Variants in IDE observed in about 807,000 individuals in gnomAD.
IDE encodes the protein insulin degrading enzyme.
Under a neutral mutation model 133.2 loss-of-function variants are expected in IDE, and 58 were observed. The observed-to-expected ratio is 0.44, with a 90% CI of 0.35 to 0.54. The LOEUF is 0.54. IDE is among the 20% of genes least tolerant of loss of function. The probability of loss-of-function intolerance (pLI) is 0.00; values close to 1 mark genes in which losing one functional copy is unlikely to be tolerated. For synonymous variants in IDE, 396 were observed against 421.3 expected (o/e 0.94, Z 0.73); for missense variants, 981 against 1,234.0 (o/e 0.79, Z 3.07).
intron 4 of IDE, among the ~76,000 whole-genome samples, chr10:92,521,537 T>C (rs1398789219): frequency 2.0e-5 from 3 of 151,858 alleles, no homozygotes; most frequent in Non-Finnish European, 4.4e-5. Context: ...AAAAGAGACT[T>C]AAAAGACATA....
rs143800795 is a variant in IDE, at chr10:92,556,615, G to A, written c.98+17307C>T. 5.1e-3 allele frequency among the ~76,000 whole-genome samples: 772 copies of A among 152,194 alleles called. 5 individuals carry two copies. Among genetic ancestry groups the A allele is most frequent in the African/African-American group, 0.014 (564 of 41,536 alleles). The stretch of plus-strand genomic sequence containing the variant: ...TCTACTAAAACTACAAAAATTAGCC[G>A]GGCGTGGTGGTGGGTACCTGTAATC... On this transcript the variant is annotated intron_variant, in intron 1 of 24. Transcript: ENST00000265986.
intron 5 of IDE, among the ~76,000 whole-genome samples, chr10:92,510,908 T>C (rs1848590481): frequency 1.3e-5 from 2 of 150,974 alleles, no homozygotes; most frequent in Admixed American, 1.3e-4. Flanking sequence ...TATATGATAT[T>C]AGCAAAATTC....
At chr10:92,465,929 G>T in intron 19 of IDE, 86 bp from the exon 20 acceptor site, 1 of 1,121,436 alleles carries the variant, frequency 8.9e-7, no homozygotes, top group Non-Finnish European at 1.3e-6. Context: ...CACACTTACA[G>T]ATGATAATTT....
chr10:92,483,205 CG>C, intron 14 of IDE, 49 bp downstream of exon 14: 2 of 918,976 alleles, frequency 2.2e-6, no homozygotes, highest in Non-Finnish European at 3.5e-6. Flanking sequence ...CTCCTGGAAA[CG>C]TAATTGTTGA....
intron 1 of IDE, among the ~76,000 whole-genome samples, chr10:92,563,335 C>G (rs1284808949): frequency 6.6e-6 from 1 of 151,796 alleles, no homozygotes; most frequent in Non-Finnish European, 1.5e-5. Flanking sequence ...GCCTGTAGTT[C>G]CAGCTCCTTA....
chr10:92,491,161 C>T (rs1847317354), intron 11 of IDE, among the ~76,000 whole-genome samples: 1 of 151,726 alleles, frequency 6.6e-6, no homozygotes, highest in African/African-American at 2.4e-5. Flanking sequence ...TTGCTTGAGC[C>T]CAGGAGTTTG....
At chr10:92,541,787 T>G (rs1842318887) in intron 1 of IDE, among the ~76,000 whole-genome samples, 1 of 152,166 alleles carries the variant, frequency 6.6e-6, no homozygotes, top group South Asian at 2.1e-4. Flanking sequence ...GTTCAGGGAC[T>G]GGCTACACTG....
rs571523853 is a variant in IDE, at chr10:92,560,577, G to A, written c.98+13345C>T. Among the ~76,000 whole-genome samples the A allele has an allele frequency of 4.9e-4, 74 of 152,096 alleles. 2 individuals carry two copies. The South Asian group carries it at 0.015, about 31-fold the overall frequency. ...GCACGTGGATCACCTGAGGACAGGA[G>A]TTCAAGACGAGCCTGTTCAACAAGG... On this transcript the variant is annotated intron_variant, in intron 1 of 24. Coordinates refer to ENST00000265986, the MANE Select transcript of IDE (RefSeq NM_004969.4).
chr10:92,504,559 C>A lies in IDE; in HGVS notation c.1430+235G>T, dbSNP rs537875485. ...ATGTCCTCATCTTTTAGAGATATTG[C>A]CTCAAAATAATTTAGGGTGGAAGGG... On this transcript the variant is annotated intron_variant, in intron 11 of 24. Coordinates refer to ENST00000265986, the MANE Select transcript of IDE (RefSeq NM_004969.4). Among the ~76,000 whole-genome samples the A allele has an allele frequency of 2.0e-5, 3 of 152,010 alleles. No homozygotes were observed. In the South Asian group the frequency reaches 6.2e-4, roughly 32 times the overall value.
At chr10:92,487,796 T>G (rs1847094106) in intron 12 of IDE, among the ~76,000 whole-genome samples, 1 of 152,226 alleles carries the variant, frequency 6.6e-6, no homozygotes, top group Non-Finnish European at 1.5e-5. Flanking sequence ...ACTTTAGTAC[T>G]TCTCTCTTTT....
At chr10:92,568,292 A>C (rs1348127105) in intron 1 of IDE, among the ~76,000 whole-genome samples, 1 of 152,226 alleles carries the variant, frequency 6.6e-6, no homozygotes, top group Non-Finnish European at 1.5e-5. Context: ...TGCAATGATC[A>C]ATATGATACC....
chr10:92,500,635 G>T (rs553521465), intron 11 of IDE, among the ~76,000 whole-genome samples: 1 of 152,100 alleles, frequency 6.6e-6, no homozygotes, highest in African/African-American at 2.4e-5. Context: ...TCTGGACTCT[G>T]TTCTCTTCCA....
At chr10:92,557,261 G>T (rs1316539554) in intron 1 of IDE, among the ~76,000 whole-genome samples, 1 of 152,170 alleles carries the variant, frequency 6.6e-6, no homozygotes, top group Admixed American at 6.6e-5. Context: ...AATGGGCCAG[G>T]CACGGCGGCT....
chr10:92,485,110 T>G (rs1272859959), intron 13 of IDE, among the ~76,000 whole-genome samples: 1 of 109,152 alleles, frequency 9.2e-6, no homozygotes, highest in Non-Finnish European at 1.7e-5. Context: ...TTTCTTTTTC[T>G]TTCTTTCTTT....
At chr10:92,511,380 G>A (rs1489108329) in intron 5 of IDE, among the ~76,000 whole-genome samples, 1 of 152,142 alleles carries the variant, frequency 6.6e-6, no homozygotes, top group East Asian at 1.9e-4. Context: ...TGGAATTACA[G>A]ATGTGAGCCA....
chr10:92,464,139 G>C, intron 20 of IDE, 136 bp from the exon 21 acceptor site: 1 of 814,966 alleles, frequency 1.2e-6, no homozygotes, highest in Non-Finnish European at 2.0e-6. Context: ...AAAGAAATAT[G>C]AGCACTTAAG....
At chr10:92,470,526 T>C (rs1275957085) in intron 17 of IDE, among the ~76,000 whole-genome samples, 181 bp from the exon 18 acceptor site, 3 of 152,236 alleles carry the variant, frequency 2.0e-5, no homozygotes, top group Admixed American at 2.0e-4. Context: ...AACATTGGTA[T>C]AATACTATTA....
At position 92,524,358 on chromosome 10, in the gene IDE, T is replaced by A. The variant is rs1370834418; in HGVS notation, c.661+7390A>T. Among the ~76,000 whole-genome samples, 5 of 17,588 alleles carry A rather than the reference T, an allele frequency of 2.8e-4. 1 individual carries two copies. Among genetic ancestry groups the A allele is most frequent in the African/African-American group, 1.4e-3 (4 of 2,844 alleles). 11.5% of individuals were successfully genotyped at this position (17,588 alleles called of 152,430 possible). A position where few individuals can be genotyped will look rare whatever the true frequency, so the allele number is the denominator to read the frequency against. Reference sequence around the variant, plus strand: ...TATATTATATTATATATAATATATTTTATATTATAATATATATTATATATA... The same window carrying A: ...TATATTATATTATATATAATATATTATATATTATAATATATATTATATATA... On this transcript the variant is annotated intron_variant, in intron 4 of 24. Transcript: ENST00000265986.
intron 11 of IDE, among the ~76,000 whole-genome samples, chr10:92,495,204 C>T (rs1385411039): frequency 7.1e-6 from 1 of 139,930 alleles, no homozygotes; most frequent in African/African-American, 2.7e-5. Context: ...GCTAGGATTA[C>T]ATCACACTCG....
Sources: gnomAD v4.1 joint callset for allele counts (sites outside exome capture counted in the v4.1 genomes callset) on GRCh38, gnomAD v4.1.1 for gene constraint, MANE v1.5 for transcripts, NCBI Gene and HGNC (gene_info 2026-07-23, HGNC 2026-07-21) for gene names.